The following P4HTM variants were observed in gnomAD, a reference collection of about 807,000 sequenced individuals.
The protein encoded by P4HTM is prolyl 4-hydroxylase, transmembrane, also known as transmembrane prolyl 4-hydroxylase.
Under a neutral mutation model 55.3 loss-of-function variants are expected in P4HTM, and 33 were observed. The ratio of observed to expected loss-of-function variants is 0.60; its 90% CI spans 0.45 to 0.80. The LOEUF (loss-of-function observed/expected upper bound fraction) is 0.80. Among genes scored for constraint, P4HTM ranks in the 30% least tolerant of loss-of-function variants. The probability of loss-of-function intolerance (pLI) is 0.00; values close to 1 mark genes in which losing one functional copy is unlikely to be tolerated. For missense variants in P4HTM, 542 were observed against 696.5 expected (o/e 0.78, Z 2.50); for synonymous variants, 272 against 286.4 (o/e 0.95, Z 0.51).
chr3:49,004,612 C>T, intron 5 of P4HTM: 1 of 577,538 alleles, frequency 1.7e-6, no homozygotes, highest in Admixed American at 3.2e-5. Context: ...GACTCCCCGC[C>T]CCCTTTATTT....
intron 2 of P4HTM, among the ~76,000 whole-genome samples, chr3:48,993,216 C>T (rs1166716635): frequency 5.3e-5 from 8 of 150,566 alleles, no homozygotes; most frequent in Admixed American, 2.6e-4. Flanking sequence ...GCAGGAGAAT[C>T]GCTTGAACCC....
In P4HTM at chr3:49,002,316, G is replaced by A. The variant is rs1260769434; in HGVS notation, c.628-184G>A. Among the ~76,000 whole-genome samples the A allele has an allele frequency of 6.6e-6, 1 of 152,216 alleles. No homozygotes were observed. Among genetic ancestry groups the A allele is most frequent in the Non-Finnish European group, 1.5e-5 (1 of 68,032 alleles). On this transcript the variant is annotated intron_variant, in intron 3 of 8. Coordinates refer to ENST00000383729, the MANE Select transcript of P4HTM (RefSeq NM_177939.3). The surrounding 1 kb of genome is among the most constrained non-coding windows in gnomAD (Gnocchi z 4.4). ...CTACGCCTCTTGACCCCCAGCCCCCGGCCTTCTCCTCAGATGCTCTGTACC... is the reference window on the plus strand; with the variant it reads ...CTACGCCTCTTGACCCCCAGCCCCCAGCCTTCTCCTCAGATGCTCTGTACC...
At chr3:49,004,037 C>G in intron 4 of P4HTM, 61 bp from the exon 5 acceptor site, 2 of 1,493,380 alleles carry the variant, frequency 1.3e-6, no homozygotes, top group Admixed American at 2.1e-5. Flanking sequence ...GGAAGTGCAG[C>G]CTGCCACTGT....
rs1447944819 is a variant in P4HTM at position 48,999,789 on chromosome 3, T to C, written c.437-1649T>C. 1 of 152,416 alleles carries C rather than the reference T, an allele frequency of 6.6e-6. No individual in the cohort carries two copies. Among genetic ancestry groups the C allele is most frequent in the Non-Finnish European group, 1.5e-5 (1 of 68,094 alleles). 9.4% of individuals were successfully genotyped at this position (152,416 alleles called of 1,614,324 possible). A position where few individuals can be genotyped will look rare whatever the true frequency, so the allele number is the denominator to read the frequency against. On this transcript the variant is annotated intron_variant, in intron 2 of 8. Coordinates refer to ENST00000383729, the MANE Select transcript of P4HTM (RefSeq NM_177939.3). The surrounding 1 kb of genome is among the most constrained non-coding windows in gnomAD (Gnocchi z 4.8). The stretch of plus-strand genomic sequence containing the variant: ...AATAAACTGAAGAAACCTGGGCCTG[T>C]GTTTTCTTTTCTTTTTCTGGCTTCC...
chr3:48,992,611 A>G (rs980864878), intron 2 of P4HTM, among the ~76,000 whole-genome samples: 2 of 145,842 alleles, frequency 1.4e-5, no homozygotes, highest in African/African-American at 5.0e-5. Context: ...TATCTCAAAG[A>G]AAAAAAAAAA....
Position 49,004,180 on chromosome 3 carries a change from T to G in P4HTM, c.807T>G (p.Ser269Arg), listed in dbSNP as rs1347707962. ...TGAGGAGCCACAAGGCAGAGTCCAG[T>G]GAGCTGGTGCGGAACAGCCACCATA... ...KYMRSHKAES[S>R]ELVRNSHHTW... is the part of the protein sequence containing the mutation. Residue 269 changes from serine to arginine, a missense_variant, in exon 5 of 9, where the codon AGT becomes AGG. This residue lies in a region of P4HTM where 536 missense variants were observed against 672.1 expected (regional missense o/e 0.80). Coordinates refer to ENST00000383729, the MANE Select transcript of P4HTM (RefSeq NM_177939.3). The G allele has an allele frequency of 6.5e-7, 1 of 1,550,056 alleles. No homozygotes were observed. Among genetic ancestry groups the G allele is most frequent in the African/African-American group, 1.4e-5 (1 of 73,000 alleles).
rs1292337932 is a variant in P4HTM at position 48,990,377 on chromosome 3, G to C, written c.121G>C (p.Gly41Arg). The C allele has an allele frequency of 6.9e-6, 11 of 1,584,474 alleles. No homozygotes were observed. Among genetic ancestry groups the C allele is most frequent in the African/African-American group, 1.4e-5 (1 of 73,420 alleles). The part of the protein sequence containing the change: ...QAQAAAGLGD[G>R]EDAPVRPLCK... ...TCAGGCGGCGGCCGGGCTGGGCGAC[G>C]GCGAGGACGCACCGGTGCGTCCGCT... Residue 41 changes from glycine (G) to arginine (R), a missense_variant, in exon 1 of 9, where the codon GGC becomes CGC. Gly to Arg is a moderately radical substitution (Grantham distance 125, BLOSUM62 -2). This residue lies in a region of P4HTM where 536 missense variants were observed against 672.1 expected (regional missense o/e 0.80). Coordinates refer to ENST00000383729, the MANE Select transcript of P4HTM (RefSeq NM_177939.3). The surrounding 1 kb of genome is among the most constrained non-coding windows in gnomAD (Gnocchi z 7.2).
chr3:48,992,937 G>T (rs2092935017), intron 2 of P4HTM, among the ~76,000 whole-genome samples: 1 of 151,898 alleles, frequency 6.6e-6, no homozygotes, highest in African/African-American at 2.4e-5. Flanking sequence ...AAAGTGCTGG[G>T]ATTACAGGTG....
chr3:49,004,456 CA>C, intron 5 of P4HTM, 196 bp downstream of exon 5: 1 of 592,260 alleles, frequency 1.7e-6, no homozygotes. Context: ...TGCAGGCACA[CA>C]ATGGGCAACT....
Position 49,001,510 on chromosome 3 carries a change from G to T in P4HTM, c.509G>T (p.Arg170Leu). 2.5e-6 allele frequency: 4 copies of T among 1,613,874 alleles called. No individual in the cohort carries two copies. The highest frequency in any genetic ancestry group is 3.4e-6 in the Non-Finnish European group (4 of 1,179,986). Residue 170 changes from arginine to leucine, a missense_variant, in exon 3 of 9, where the codon CGC becomes CTC. This residue lies in a region of P4HTM where 536 missense variants were observed against 672.1 expected (regional missense o/e 0.80). Coordinates refer to ENST00000383729, the MANE Select transcript of P4HTM (RefSeq NM_177939.3). Reference sequence around the variant, plus strand: ...CTGGCGCAGATGAAGGGGTTACAGCGCAGCCAGATCCTGCCTACTGAAGAG... The same window carrying T: ...CTGGCGCAGATGAAGGGGTTACAGCTCAGCCAGATCCTGCCTACTGAAGAG... ...IHLAQMKGLQ[R>L]SQILPTEEYE...
intron 2 of P4HTM, among the ~76,000 whole-genome samples, chr3:48,994,287 T>TA (rs1462883710): frequency 1.3e-5 from 2 of 152,190 alleles, no homozygotes; most frequent in Admixed American, 6.5e-5. Flanking sequence ...TTCTTGGATC[T>TA]AAACCTGTGA....
At chr3:49,001,754 C>A in intron 3 of P4HTM, 126 bp downstream of exon 3, 3 of 790,532 alleles carry the variant, frequency 3.8e-6, no homozygotes, top group Non-Finnish European at 6.0e-6. Context: ...CCTGCCTGGG[C>A]ATGCCCAGAC....
At position 48,999,774 on chromosome 3, in the gene P4HTM, AG is replaced by A. The variant is rs1446784687; in HGVS notation, c.437-1663del. The A allele has an allele frequency of 6.5e-6, 1 of 152,676 alleles. No homozygotes were observed. Among genetic ancestry groups the A allele is most frequent in the Non-Finnish European group, 1.5e-5 (1 of 68,102 alleles). The allele number at this position is 152,676 out of a possible 1,614,324, so 9.5% of individuals were successfully genotyped here. ...AGATTACTGGCACCTAATAAACTGAAGAAACCTGGGCCTGTGTTTTCTTTTC... is the reference window on the plus strand; with the variant it reads ...AGATTACTGGCACCTAATAAACTGAAAAACCTGGGCCTGTGTTTTCTTTTC... On this transcript the variant is annotated intron_variant, in intron 2 of 8. Coordinates refer to ENST00000383729, the MANE Select transcript of P4HTM (RefSeq NM_177939.3). The surrounding 1 kb of genome is among the most constrained non-coding windows in gnomAD (Gnocchi z 4.8).
intron 5 of P4HTM, chr3:49,004,650 C>A: frequency 1.7e-6 from 1 of 597,974 alleles, no homozygotes; most frequent in Non-Finnish European, 3.0e-6. Context: ...TTCCACATAG[C>A]AGGTGTCTCT....
At chr3:48,991,253 G>C (rs2092930445) in intron 2 of P4HTM, 1 of 233,828 alleles carries the variant, frequency 4.3e-6, no homozygotes, top group Non-Finnish European at 8.4e-6. Context: ...GCTTTCTGCC[G>C]ACCTCAGGAC....
At chr3:49,000,931 A>G (rs2092959303) in intron 2 of P4HTM, 2 of 207,976 alleles carry the variant, frequency 9.6e-6, no homozygotes, top group South Asian at 1.6e-4. Flanking sequence ...TCAGATGGCC[A>G]GCACCCATCT....
intron 2 of P4HTM, among the ~76,000 whole-genome samples, chr3:48,994,781 TTTTTGTTTTG>T (rs200509192): frequency 1.3e-4 from 20 of 152,178 alleles, no homozygotes; most frequent in South Asian, 4.1e-4. Flanking sequence ...TGGCTCTCTC[TTTTTGTTTTG>T]TTTTGTTTTG....
chr3:48,990,381 A>G lies in P4HTM; in HGVS notation c.125A>G (p.Glu42Gly), dbSNP rs1167998059. The G allele has an allele frequency of 1.1e-5, 17 of 1,586,080 alleles. No individual in the cohort carries two copies. The highest frequency in any genetic ancestry group is 1.2e-5 in the Non-Finnish European group (14 of 1,172,792). ...GCGGCGGCCGGGCTGGGCGACGGCG[A>G]GGACGCACCGGTGCGTCCGCTGTGC... The part of the protein sequence containing the change: ...AQAAAGLGDG[E>G]DAPVRPLCKP... The change falls in exon 1 of 9, where the codon GAG becomes GGG. Residue 42 changes from glutamate to glycine, a missense_variant. Coordinates refer to ENST00000383729, the MANE Select transcript of P4HTM (RefSeq NM_177939.3). This position sits in a 1 kb window ranked among gnomAD's most constrained non-coding sequence, Gnocchi z 7.2.
At position 49,007,040 on chromosome 3, in the gene P4HTM, C is replaced by T. The variant is rs539907966; in HGVS notation, c.*133C>T. On this transcript the variant is annotated 3_prime_UTR_variant, in exon 9 of 9. Transcript: ENST00000383729. This position sits in a 1 kb window ranked among gnomAD's most constrained non-coding sequence, Gnocchi z 5.1. Reference sequence around the variant, plus strand: ...CCCCACCCCGCCAGCCGCGATACGGCGCAGTTCCTATATTCATGTTATTTA... The same window carrying T: ...CCCCACCCCGCCAGCCGCGATACGGTGCAGTTCCTATATTCATGTTATTTA... 6.7e-6 allele frequency: 5 copies of T among 744,846 alleles called. No homozygotes were observed. In the East Asian group the frequency reaches 8.1e-5, roughly 12 times the overall value. 46.1% of individuals were successfully genotyped at this position (744,846 alleles called of 1,614,324 possible).
Sources: allele counts gnomAD v4.1 joint callset (sites outside exome capture counted in the v4.1 genomes callset), GRCh38; gene constraint gnomAD v4.1.1; regional missense constraint gnomAD v4.1.1; non-coding constraint Gnocchi (gnomAD v3.1); transcripts MANE v1.5; gene names NCBI Gene and HGNC (gene_info 2026-07-23, HGNC 2026-07-21).